VSIR: variants seen among roughly 807,000 people sequenced by gnomAD.
VSIR encodes V-type immunoglobulin domain-containing suppressor of T-cell activation.
Under a neutral mutation model 31.0 loss-of-function variants are expected in VSIR, and 10 were observed. The observed-to-expected ratio is 0.32, with a 90% CI of 0.20 to 0.55. The LOEUF (loss-of-function observed/expected upper bound fraction) is 0.55. Among genes scored for constraint, VSIR ranks in the 20% least tolerant of loss-of-function variants. The pLI is 0.93. For synonymous variants in VSIR, 179 were observed against 180.1 expected (o/e 0.99, Z 0.05); for missense variants, 356 against 416.2 (o/e 0.86, Z 1.26).
At chr10:71,772,901 G>A (rs966161128) in intron 1 of VSIR, among the ~76,000 whole-genome samples, 1 of 152,192 alleles carries the variant, frequency 6.6e-6, no homozygotes, top group Admixed American at 6.5e-5. Context: ...AGGGCATGGG[G>A]CACTGGCTGA....
Position 71,761,582 on chromosome 10 carries a change from T to C in VSIR, c.511+16A>G. The C allele has an allele frequency of 3.2e-6, 5 of 1,557,808 alleles. No homozygotes were observed. Among genetic ancestry groups the C allele is most frequent in the Non-Finnish European group, 4.3e-6 (5 of 1,153,206 alleles). On this transcript the variant is annotated intron_variant, in intron 2 of 6. Transcript: ENST00000394957. ...CCTCCACACACGCCAGGCTGTCACGTGCAGGATGCCCTCACCTGTCTGCAC... is the reference window on the plus strand; with the variant it reads ...CCTCCACACACGCCAGGCTGTCACGCGCAGGATGCCCTCACCTGTCTGCAC...
chr10:71,764,986 G>T (rs1367143669), intron 1 of VSIR, among the ~76,000 whole-genome samples: 1 of 152,246 alleles, frequency 6.6e-6, no homozygotes, highest in Non-Finnish European at 1.5e-5. Context: ...TTTTGTCCGT[G>T]CTGGCCTGGA....
intron 4 of VSIR, among the ~76,000 whole-genome samples, chr10:71,753,559 C>T (rs954013712): frequency 6.6e-6 from 1 of 152,196 alleles, no homozygotes; most frequent in African/African-American, 2.4e-5. Flanking sequence ...TTACAAGGTG[C>T]AAGTCCCCGA....
intron 1 of VSIR, among the ~76,000 whole-genome samples, chr10:71,771,651 C>T (rs1840687753): frequency 6.6e-6 from 1 of 152,234 alleles, no homozygotes; most frequent in African/African-American, 2.4e-5. Flanking sequence ...TGGAAAGCTG[C>T]AGCCAGCCTA....
At chr10:71,755,605 C>T (rs998872570) in intron 3 of VSIR, 139 bp from the exon 4 acceptor site, 1 of 757,518 alleles carries the variant, frequency 1.3e-6, no homozygotes, top group Non-Finnish European at 2.2e-6. Flanking sequence ...CCCCCAGCAA[C>T]CTACAGAGGC....
intron 3 of VSIR, among the ~76,000 whole-genome samples, chr10:71,757,906 ACAGCCCCT>A (rs1226642666): frequency 1.3e-5 from 2 of 152,192 alleles, no homozygotes; most frequent in Non-Finnish European, 2.9e-5. Context: ...CTGAGAAACC[ACAGCCCCT>A]CAGCAATGCA....
rs954812628 is a variant in VSIR at position 71,773,498 on chromosome 10, G to A, written c.-59C>T. 5 of 1,503,446 alleles carry A rather than the reference G, an allele frequency of 3.3e-6. No homozygotes were observed. Among genetic ancestry groups the A allele is most frequent in the Non-Finnish European group, 4.5e-6 (5 of 1,105,606 alleles). 93.1% of individuals were successfully genotyped at this position (1,503,446 alleles called of 1,614,324 possible). On this transcript the variant is annotated 5_prime_UTR_variant, in exon 1 of 7. Coordinates refer to ENST00000394957, the MANE Select transcript of VSIR (RefSeq NM_022153.2). ...CCGGGGAGCGGGCGGGACGCGGCCG[G>A]CGCGGGGAAGCCTCCCGCGACTGAG...
chr10:71,754,714 T>C (rs941374849), intron 4 of VSIR, among the ~76,000 whole-genome samples: 1 of 152,166 alleles, frequency 6.6e-6, no homozygotes, highest in African/African-American at 2.4e-5. Context: ...ATGGGGACAA[T>C]GGTAGGACCA....
At chr10:71,759,637 G>C (rs913836245) in intron 3 of VSIR, among the ~76,000 whole-genome samples, 3 of 151,582 alleles carry the variant, frequency 2.0e-5, no homozygotes, top group African/African-American at 7.3e-5. Context: ...TGAAACCCCA[G>C]CTCCACTAAA....
At chr10:71,752,060 C>A (rs778905939) in intron 5 of VSIR, 199 bp from the exon 6 acceptor site, 1 of 715,084 alleles carries the variant, frequency 1.4e-6, no homozygotes, top group East Asian at 2.7e-5. Context: ...CTGTCCTGAG[C>A]TGAGGGCATC....
rs1839921247 is a variant in VSIR at position 71,748,883 on chromosome 10, T to C, written c.*2370A>G. 1 of 152,720 alleles carries C rather than the reference T, an allele frequency of 6.5e-6. No individual in the cohort carries two copies. The highest frequency in any genetic ancestry group is 2.4e-5 in the African/African-American group (1 of 41,420). The allele number at this position is 152,720 out of a possible 1,614,324, so 9.5% of individuals were successfully genotyped here. A position where few individuals can be genotyped will look rare whatever the true frequency, so the allele number is the denominator to read the frequency against. ...GCGTTGTAGGCAGGGCCTGTGGCCA[T>C]GGATGAAGATGGAACTGGGAGCTCA... On this transcript the variant is annotated 3_prime_UTR_variant, in exon 7 of 7. Coordinates refer to ENST00000394957, the MANE Select transcript of VSIR (RefSeq NM_022153.2).
chr10:71,765,478 G>A (rs1052010460), intron 1 of VSIR, among the ~76,000 whole-genome samples: 3 of 152,194 alleles, frequency 2.0e-5, no homozygotes, highest in African/African-American at 7.2e-5. Flanking sequence ...TGGGGCTAGC[G>A]TGGTTGTTGG....
rs776518672 is a variant in VSIR, at chr10:71,755,344, G to A, written c.676+15C>T. ...TCGCACCGTCCACCCACCCCAGGCA[G>A]GGAGGAATACTCACGGCGGTTGGAG... On this transcript the variant is annotated intron_variant, in intron 4 of 6. Transcript: ENST00000394957. 1 of 1,605,230 alleles carries A rather than the reference G, an allele frequency of 6.2e-7. No homozygotes were observed. Among genetic ancestry groups the A allele is most frequent in the African/African-American group, 1.3e-5 (1 of 74,920 alleles).
chr10:71,756,654 G>T (rs527960131), intron 3 of VSIR, among the ~76,000 whole-genome samples: 2 of 152,208 alleles, frequency 1.3e-5, no homozygotes, highest in African/African-American at 4.8e-5. Context: ...TCTGCTGACT[G>T]CAGGAGTTTA....
At chr10:71,764,781 G>A (rs551809916) in intron 1 of VSIR, among the ~76,000 whole-genome samples, 173 of 152,314 alleles carry the variant, frequency 1.1e-3, no homozygotes, top group African/African-American at 3.9e-3. Flanking sequence ...TAGCTGGCAT[G>A]GGACTCTACT....
At chr10:71,764,792 G>A (rs1180798395) in intron 1 of VSIR, among the ~76,000 whole-genome samples, 1 of 152,184 alleles carries the variant, frequency 6.6e-6, no homozygotes, top group East Asian at 1.9e-4. Context: ...GGACTCTACT[G>A]CCCAAACCCA....
chr10:71,761,709 G>T lies in VSIR; in HGVS notation c.400C>A (p.Arg134Ser), dbSNP rs760032960. The change falls in exon 2 of 7, where the codon CGC becomes AGC. Residue 134 changes from arginine to serine, a missense_variant. By Grantham distance (110) the Arg-to-Ser change is moderately radical. This residue lies in a region of VSIR where 166 missense variants were observed against 231.0 expected (regional missense o/e 0.72). Transcript: ENST00000394957. ...DHHGNFSITMRNLTLLDSGLY... is the reference protein window; with the variant it reads ...DHHGNFSITMSNLTLLDSGLY... ...CCGCTATCCAGCAGGGTCAGGTTGC[G>T]CATGGTGATGGAGAAGTTGCCATGG... is the stretch of plus-strand genomic sequence containing the variant. The T allele has an allele frequency of 6.2e-7, 1 of 1,613,942 alleles. No homozygotes were observed. The highest frequency in any genetic ancestry group is 1.7e-5 in the Admixed American group (1 of 60,014).
chr10:71,765,144 C>T (rs1208098473), intron 1 of VSIR, among the ~76,000 whole-genome samples: 2 of 152,226 alleles, frequency 1.3e-5, no homozygotes, highest in East Asian at 1.9e-4. Context: ...TGTGCTGCCC[C>T]CTTCCCCAGC....
chr10:71,758,949 A>C (rs1275044750), intron 3 of VSIR, among the ~76,000 whole-genome samples: 3 of 151,418 alleles, frequency 2.0e-5, no homozygotes, highest in Non-Finnish European at 4.4e-5. Flanking sequence ...GGCTCACTGC[A>C]ACTTCTGCCT....
Sources: allele counts gnomAD v4.1 joint callset (sites outside exome capture counted in the v4.1 genomes callset), GRCh38; gene constraint gnomAD v4.1.1; regional missense constraint gnomAD v4.1.1; transcripts MANE v1.5; gene names NCBI Gene and HGNC (gene_info 2026-07-23, HGNC 2026-07-21).